The following TAFA1 variants were observed in gnomAD, a reference collection of about 807,000 sequenced individuals.
TAFA1 encodes the protein TAFA chemokine like family member 1.
A neutral mutation model predicts 18.5 loss-of-function variants in TAFA1; 4 were observed. The observed-to-expected ratio is 0.22, with a 90% CI of 0.11 to 0.49. The LOEUF is 0.49. Ranked by LOEUF, TAFA1 falls within the 20% of genes least tolerant of loss-of-function variation. The pLI is 0.98. For synonymous variants in TAFA1, 56 were observed against 55.2 expected, an observed-to-expected ratio of 1.01 and a Z score of -0.06; for missense variants, 147 against 169.0, an observed-to-expected ratio of 0.87 and a Z score of 0.72.
intron 2 of TAFA1, among the ~76,000 whole-genome samples, chr3:68,224,518 G>T (rs1054212392): frequency 4.6e-5 from 7 of 152,116 alleles, no homozygotes; most frequent in Non-Finnish European, 8.8e-5. Context: ...GAAACTAGAG[G>T]TTTATTAACC....
intron 2 of TAFA1, among the ~76,000 whole-genome samples, chr3:68,326,280 A>G (rs944624088): frequency 2.0e-4 from 30 of 152,236 alleles, no homozygotes; most frequent in Admixed American, 5.2e-4. Context: ...CTTGTGTCAC[A>G]TATTTGAAAC....
intron 3 of TAFA1, among the ~76,000 whole-genome samples, chr3:68,516,865 C>T (rs1043350524): frequency 6.6e-6 from 1 of 152,112 alleles, no homozygotes; most frequent in Non-Finnish European, 1.5e-5. Flanking sequence ...CCTCCACGTC[C>T]TGGGTTCAAG....
At chr3:68,055,151 T>G (rs538665463) in intron 2 of TAFA1, among the ~76,000 whole-genome samples, 4 of 152,166 alleles carry the variant, frequency 2.6e-5, no homozygotes, top group Middle Eastern at 3.4e-3. Context: ...CCACCTGCCA[T>G]AGTGCGTGAT....
At chr3:68,126,984 C>G (rs2065471788) in intron 2 of TAFA1, among the ~76,000 whole-genome samples, 1 of 152,164 alleles carries the variant, frequency 6.6e-6, no homozygotes, top group Non-Finnish European at 1.5e-5. Context: ...CTGATGAACT[C>G]AAGGTTTCCA....
chr3:67,999,299 G>GTGTGTGTGTGTGTGTT (rs1366383645), upstream of TAFA1, among the ~76,000 whole-genome samples: 7 of 150,750 alleles, frequency 4.6e-5, no homozygotes, highest in Non-Finnish European at 1.0e-4. Context: ...GTGTGTGTGT[G>GTGTGTGTGTGTGTGTT]TGTGTATGTG....
intron 2 of TAFA1, among the ~76,000 whole-genome samples, chr3:68,279,812 A>G (rs1263238272): frequency 6.6e-6 from 1 of 152,202 alleles, no homozygotes; most frequent in African/African-American, 2.4e-5. Context: ...TGTGCATTAC[A>G]CAGTACATAT....
intron 2 of TAFA1, among the ~76,000 whole-genome samples, chr3:68,258,305 G>A (rs1316493756): frequency 1.3e-5 from 2 of 152,078 alleles, no homozygotes; most frequent in African/African-American, 4.8e-5. Flanking sequence ...TGGCTACATT[G>A]GTTTGGAAAC....
intron 2 of TAFA1, among the ~76,000 whole-genome samples, chr3:68,205,273 C>A (rs1312563404): frequency 1.3e-5 from 2 of 151,876 alleles, no homozygotes; most frequent in Non-Finnish European, 2.9e-5. Context: ...TCATTACAAG[C>A]ACTGAGGTCC....
At chr3:68,049,697 A>G (rs1325227329) in intron 2 of TAFA1, among the ~76,000 whole-genome samples, 1 of 151,878 alleles carries the variant, frequency 6.6e-6, no homozygotes, top group Admixed American at 6.6e-5. Flanking sequence ...GGAGAGAGGA[A>G]AGTTTCCCTC....
intron 3 of TAFA1, among the ~76,000 whole-genome samples, chr3:68,439,848 A>T (rs181717645): frequency 7.9e-5 from 12 of 152,196 alleles, no homozygotes; most frequent in African/African-American, 2.6e-4. Flanking sequence ...TTCCTTGTCA[A>T]CTTGAATGCA....
chr3:68,275,824 C>A (rs530059348), intron 2 of TAFA1, among the ~76,000 whole-genome samples: 1 of 152,010 alleles, frequency 6.6e-6, no homozygotes, highest in Non-Finnish European at 1.5e-5. Flanking sequence ...AATTTGGACT[C>A]GGGACTTGAG....
intron 2 of TAFA1, among the ~76,000 whole-genome samples, chr3:68,345,792 T>C (rs368620430): frequency 4.6e-5 from 7 of 152,312 alleles, no homozygotes; most frequent in South Asian, 2.1e-4. Flanking sequence ...AGGTATCCCA[T>C]TGAGAATTTA....
intron 2 of TAFA1, among the ~76,000 whole-genome samples, chr3:68,202,533 T>C (rs2066480169): frequency 6.6e-6 from 1 of 151,810 alleles, no homozygotes; most frequent in African/African-American, 2.4e-5. Flanking sequence ...TAAAGACTTA[T>C]TTTATAACTT....
chr3:68,428,739 T>C (rs2071106837), intron 3 of TAFA1, among the ~76,000 whole-genome samples: 2 of 152,006 alleles, frequency 1.3e-5, no homozygotes, highest in Non-Finnish European at 1.5e-5. Flanking sequence ...GGACTATCAA[T>C]TTATATTACT....
intron 3 of TAFA1, among the ~76,000 whole-genome samples, chr3:68,477,285 C>A (rs561832855): frequency 6.0e-4 from 92 of 152,186 alleles, no homozygotes; most frequent in Non-Finnish European, 9.4e-4. Flanking sequence ...TAGAATTCCA[C>A]AGAATGAGTG....
At chr3:68,303,074 A>AAATGCTC (rs2068334832) in intron 2 of TAFA1, among the ~76,000 whole-genome samples, 1 of 152,192 alleles carries the variant, frequency 6.6e-6, no homozygotes, top group Admixed American at 6.5e-5. Flanking sequence ...GGTACATAAA[A>AAATGCTC]AATGCTCAAT....
intron 2 of TAFA1, among the ~76,000 whole-genome samples, chr3:68,153,911 T>C (rs988592305): frequency 3.9e-5 from 6 of 152,202 alleles, no homozygotes; most frequent in African/African-American, 9.6e-5. Context: ...AGTTTCCTTA[T>C]ATTCTGTTCC....
At chr3:68,073,629 C>G (rs540064666) in intron 2 of TAFA1, among the ~76,000 whole-genome samples, 2 of 152,262 alleles carry the variant, frequency 1.3e-5, no homozygotes, top group African/African-American at 4.8e-5. Flanking sequence ...TAAACTGTTT[C>G]CATATTTAAA....
intron 2 of TAFA1, among the ~76,000 whole-genome samples, chr3:68,412,075 C>T (rs1009778211): frequency 1.3e-5 from 2 of 152,180 alleles, no homozygotes; most frequent in Non-Finnish European, 2.9e-5. Context: ...TTTAGAGCAA[C>T]ACCTTCCTGG....
Sources: allele counts gnomAD v4.1 joint callset (sites outside exome capture counted in the v4.1 genomes callset), GRCh38; gene constraint gnomAD v4.1.1; transcripts MANE v1.5; gene names NCBI Gene and HGNC (gene_info 2026-07-23, HGNC 2026-07-21).